The following RBP7 variants were observed in gnomAD, a reference collection of about 807,000 sequenced individuals.
The protein encoded by RBP7 is retinoid-binding protein 7.
Under a neutral mutation model 16.7 loss-of-function variants are expected in RBP7, and 13 were observed. The observed-to-expected ratio is 0.78, with a 90% CI of 0.51 to 1.24. RBP7 has a LOEUF of 1.24. Ranked by LOEUF, RBP7 falls within the 50% of genes most tolerant of loss-of-function variation. The pLI is 0.00. For synonymous variants in RBP7, 54 were observed against 56.2 expected, an observed-to-expected ratio of 0.96 and a Z score of 0.17; for missense variants, 145 against 159.5, an observed-to-expected ratio of 0.91 and a Z score of 0.49.
chr1:10,011,459 G>T (rs1642617744), intron 3 of RBP7, among the ~76,000 whole-genome samples: 1 of 152,188 alleles, frequency 6.6e-6, no homozygotes, highest in Non-Finnish European at 1.5e-5. Context: ...CCTTTCACAT[G>T]ACTCAGGTCC....
rs548809701 is a variant in RBP7 at position 10,011,446 on chromosome 1, C to T, written c.354+3172C>T. Among the ~76,000 whole-genome samples, 4 of 152,308 alleles carry T rather than the reference C, an allele frequency of 2.6e-5. No homozygotes were observed. In the South Asian group the frequency reaches 8.3e-4, roughly 32 times the overall value. On this transcript the variant is annotated intron_variant, in intron 3 of 3. Transcript: ENST00000294435. ...AAGGTTATAGCTGTCTAGGTTACAG[C>T]GGCCTTTCACATGACTCAGGTCCCA...
At chr1:10,011,471 A>G (rs537108835) in intron 3 of RBP7, among the ~76,000 whole-genome samples, 1 of 152,334 alleles carries the variant, frequency 6.6e-6, no homozygotes, top group South Asian at 2.1e-4. Flanking sequence ...CTCAGGTCCC[A>G]CAATCACATT....
intron 1 of RBP7, among the ~76,000 whole-genome samples, chr1:10,004,873 GC>G (rs1557484934): frequency 6.6e-6 from 1 of 152,082 alleles, no homozygotes; most frequent in African/African-American, 2.4e-5. Flanking sequence ...CATGCCTGTA[GC>G]CCCAGCTACT....
At chr1:10,004,300 G>A (rs1288237436) in intron 1 of RBP7, 2 of 151,136 alleles carry the variant, frequency 1.3e-5, no homozygotes, top group African/African-American at 2.4e-5. Context: ...TCCAACTCCC[G>A]ACCTCAGGTG....
chr1:9,997,297 C>CAGCGACAACTTCGAG lies in RBP7; in HGVS notation c.40_54dup (p.Ser14_Glu18dup). On this transcript the variant is annotated inframe_insertion, in exon 1 of 4. Transcript: ENST00000294435. This position sits in a 1 kb window ranked among gnomAD's most constrained non-coding sequence, Gnocchi z 5.9. ...TCAGCGGTACTTGGACCCTGCTCAG[C>CAGCGACAACTTCGAG]AGCGACAACTTCGAGGGCTACATGC... is the stretch of plus-strand genomic sequence containing the variant. The CAGCGACAACTTCGAG allele has an allele frequency of 6.2e-7, 1 of 1,611,482 alleles. No individual in the cohort carries two copies. The highest frequency in any genetic ancestry group is 8.5e-7 in the Non-Finnish European group (1 of 1,179,192).
intron 3 of RBP7, among the ~76,000 whole-genome samples, chr1:10,013,204 C>G (rs1642674938): frequency 6.6e-6 from 1 of 151,602 alleles, no homozygotes; most frequent in East Asian, 2.0e-4. Flanking sequence ...TCCCAAGTAG[C>G]TGGGATTACA....
chr1:10,008,101 C>A, intron 2 of RBP7, 72 bp from the exon 3 acceptor site: 3 of 953,282 alleles, frequency 3.1e-6, no homozygotes, highest in South Asian at 1.4e-5. Flanking sequence ...GCAAGGGTAA[C>A]TTGGCATTCT....
intron 3 of RBP7, among the ~76,000 whole-genome samples, chr1:10,010,572 A>G (rs571606713): frequency 0.018 from 2,636 of 146,654 alleles, 32 homozygotes; most frequent in Non-Finnish European, 0.027. Flanking sequence ...ACCCGCCACC[A>G]TGCCCAGCTA....
rs1570737546 is a variant in RBP7 at position 10,016,010 on chromosome 1, T to C, written c.*178T>C. On this transcript the variant is annotated 3_prime_UTR_variant, in exon 4 of 4. Coordinates refer to ENST00000294435, the MANE Select transcript of RBP7 (RefSeq NM_052960.3). The stretch of plus-strand genomic sequence containing the variant: ...GGAAACTGCTCAGCTTCAATAAACC[T>C]GTCCAAATGACTCTGAAGTTTTTCC... 7 of 592,264 alleles carry C rather than the reference T, an allele frequency of 1.2e-5. No homozygotes were observed. In the East Asian group the frequency reaches 2.0e-4, roughly 17 times the overall value. The allele number at this position is 592,264 out of a possible 1,614,324, so 36.7% of individuals were successfully genotyped here. A position where few individuals can be genotyped will look rare whatever the true frequency, so the allele number is the denominator to read the frequency against.
chr1:10,004,475 A>T (rs1405838648), intron 1 of RBP7, among the ~76,000 whole-genome samples: 1 of 151,722 alleles, frequency 6.6e-6, no homozygotes, highest in Non-Finnish European at 1.5e-5. Context: ...TCCCAGGTTC[A>T]AGCGACTCTC....
chr1:10,015,742 C>A (rs763053816), intron 3 of RBP7, 40 bp from the exon 4 acceptor site: 38 of 1,577,524 alleles, frequency 2.4e-5, no homozygotes, highest in Non-Finnish European at 3.0e-5. Flanking sequence ...AGACCACATG[C>A]AAACTGATCC....
chr1:10,004,065 ATT>A (rs56955055), intron 1 of RBP7: 3,156 of 83,252 alleles, frequency 0.038, 121 homozygotes, highest in African/African-American at 0.12. Flanking sequence ...CTGCCTCACA[ATT>A]TTTTTTTTTT....
intron 3 of RBP7, among the ~76,000 whole-genome samples, chr1:10,015,448 C>CAAA (rs372218937): frequency 1.1e-4 from 10 of 94,758 alleles, no homozygotes; most frequent in East Asian, 2.9e-4. Context: ...GACTCCATCT[C>CAAA]AAAAAAAAAA....
intron 1 of RBP7, among the ~76,000 whole-genome samples, chr1:9,998,732 C>A (rs1009442884): frequency 1.4e-4 from 21 of 152,042 alleles, no homozygotes; most frequent in Non-Finnish European, 2.6e-4. Context: ...AACCTTAGGG[C>A]CCATCTTAGT....
intron 3 of RBP7, among the ~76,000 whole-genome samples, chr1:10,011,088 C>T (rs997972016): frequency 2.0e-4 from 31 of 152,256 alleles, no homozygotes; most frequent in African/African-American, 6.5e-4. Context: ...TTATGAGTTA[C>T]AGGAATTTGA....
At position 9,997,247 on chromosome 1, in the gene RBP7, C is replaced by G. The variant is rs111277407; in HGVS notation, c.-12C>G. 38,494 of 1,608,262 alleles carry G rather than the reference C, an allele frequency of 0.024. 551 individuals are homozygous for G. Among genetic ancestry groups the G allele is most frequent in the African/African-American group, 0.028 (2,114 of 74,374 alleles). On this transcript the variant is annotated 5_prime_UTR_variant, in exon 1 of 4. Transcript: ENST00000294435. The surrounding 1 kb of genome is among the most constrained non-coding windows in gnomAD (Gnocchi z 5.9). ...CCGGCCGCCCGCCGGGTTTGTCCCG[C>G]GATCCCCGACCATGCCCGCCGACCT...
intron 3 of RBP7, among the ~76,000 whole-genome samples, chr1:10,013,806 G>C (rs1188985108): frequency 6.6e-6 from 1 of 151,622 alleles, no homozygotes; most frequent in African/African-American, 2.4e-5. Context: ...GCAAGACTCC[G>C]TCGCAAAAAA....
Position 10,016,001 on chromosome 1 carries a change from C to T in RBP7, c.*169C>T, listed in dbSNP as rs1476214907. 1 of 608,358 alleles carries T rather than the reference C, an allele frequency of 1.6e-6. No individual in the cohort carries two copies. The highest frequency in any genetic ancestry group is 2.9e-6 in the Non-Finnish European group (1 of 341,698). The allele number at this position is 608,358 out of a possible 1,614,324, so 37.7% of individuals were successfully genotyped here. Reference sequence around the variant, plus strand: ...AGATTATGGGGAAACTGCTCAGCTTCAATAAACCTGTCCAAATGACTCTGA... The same window carrying T: ...AGATTATGGGGAAACTGCTCAGCTTTAATAAACCTGTCCAAATGACTCTGA... On this transcript the variant is annotated 3_prime_UTR_variant, in exon 4 of 4. Transcript: ENST00000294435.
chr1:10,007,453 T>TTAA, intron 1 of RBP7, 117 bp from the exon 2 acceptor site: 1 of 776,918 alleles, frequency 1.3e-6, no homozygotes, highest in Non-Finnish European at 2.0e-6. Context: ...GCAAACAACA[T>TTAA]AGAAGTCGTA....
Sources: allele counts gnomAD v4.1 joint callset (sites outside exome capture counted in the v4.1 genomes callset), GRCh38; gene constraint gnomAD v4.1.1; non-coding constraint Gnocchi (gnomAD v3.1); transcripts MANE v1.5; gene names NCBI Gene and HGNC (gene_info 2026-07-23, HGNC 2026-07-21).